The following TRPM7 variants were observed in gnomAD, a reference collection of about 807,000 sequenced individuals.
TRPM7 encodes transient receptor potential cation channel subfamily M member 7.
Under a neutral mutation model 229.7 loss-of-function variants are expected in TRPM7, and 134 were observed. That is an observed-to-expected ratio of 0.58 (90% confidence interval 0.51 to 0.67). TRPM7 has a LOEUF of 0.67. Among genes scored for constraint, TRPM7 ranks in the 30% least tolerant of loss-of-function variants. The probability of loss-of-function intolerance (pLI) is 0.00; values close to 1 mark genes in which losing one functional copy is unlikely to be tolerated. For missense variants in TRPM7, 1,901 were observed against 2,210.0 expected, an observed-to-expected ratio of 0.86 and a Z score of 2.80; for synonymous variants, 699 against 715.2, an observed-to-expected ratio of 0.98 and a Z score of 0.36.
At chr15:50,640,087 C>T (rs2061045894) in intron 5 of TRPM7, among the ~76,000 whole-genome samples, 1 of 152,076 alleles carries the variant, frequency 6.6e-6, no homozygotes, top group Non-Finnish European at 1.5e-5. Flanking sequence ...CATTTCTCCT[C>T]TAAGTAACTG....
chr15:50,589,359 G>C (rs1370672254), intron 27 of TRPM7, among the ~76,000 whole-genome samples: 1 of 148,348 alleles, frequency 6.7e-6, no homozygotes, highest in Non-Finnish European at 1.5e-5. Context: ...ATGTTAAATA[G>C]CTGATGTTTT....
intron 38 of TRPM7, among the ~76,000 whole-genome samples, chr15:50,563,050 G>C (rs1032796234): frequency 6.6e-6 from 1 of 152,180 alleles, no homozygotes; most frequent in African/African-American, 2.4e-5. Context: ...CATAGTGAAT[G>C]AGAGGAAAAC....
intron 17 of TRPM7, among the ~76,000 whole-genome samples, chr15:50,610,601 T>C (rs528556663): frequency 6.6e-6 from 1 of 152,236 alleles, no homozygotes; most frequent in Non-Finnish European, 1.5e-5. Flanking sequence ...TCTATCACCA[T>C]GACAAAACCA....
intron 38 of TRPM7, among the ~76,000 whole-genome samples, chr15:50,568,280 C>CTA (rs969203705): frequency 6.6e-6 from 1 of 151,420 alleles, no homozygotes; most frequent in African/African-American, 2.4e-5. Flanking sequence ...TACACTCATT[C>CTA]TATACTGTGC....
chr15:50,611,753 T>C (rs139058624), intron 16 of TRPM7, among the ~76,000 whole-genome samples: 3 of 152,326 alleles, frequency 2.0e-5, no homozygotes, highest in South Asian at 4.1e-4. Flanking sequence ...TAAGTAACCA[T>C]AGGATCCCTG....
chr15:50,573,499 C>T (rs2053986136), intron 36 of TRPM7, among the ~76,000 whole-genome samples: 1 of 152,126 alleles, frequency 6.6e-6, no homozygotes, highest in Non-Finnish European at 1.5e-5. Flanking sequence ...GAGGTGACAG[C>T]AGAGAGAGAC....
intron 38 of TRPM7, among the ~76,000 whole-genome samples, chr15:50,565,584 T>G (rs1179644052): frequency 6.6e-6 from 1 of 152,008 alleles, no homozygotes; most frequent in African/African-American, 2.4e-5. Context: ...GAACAACGCC[T>G]CAAAACACAT....
chr15:50,657,857 GA>G (rs773911209), intron 2 of TRPM7, 38 bp from the exon 3 acceptor site: 3 of 1,557,570 alleles, frequency 1.9e-6, no homozygotes, highest in Non-Finnish European at 2.6e-6. Context: ...TATTTCAGGT[GA>G]AAAACTTTCT....
Position 50,678,551 on chromosome 15 carries a change from CA to C in TRPM7, c.3+7979del, listed in dbSNP as rs2062156219. 2.0e-5 allele frequency among the ~76,000 whole-genome samples: 3 copies of C among 148,190 alleles called. No individual in the cohort carries two copies. In the South Asian group the frequency reaches 6.4e-4, roughly 32 times the overall value. The stretch of plus-strand genomic sequence containing the variant: ...ATATATATATATATATACACACACA[CA>C]CACATATACATAATTTTATTATGTC... On this transcript the variant is annotated intron_variant, in intron 1 of 38. Transcript: ENST00000646667.
intron 29 of TRPM7, 26 bp from the exon 30 acceptor site, chr15:50,580,934 C>T (rs373855218): frequency 1.9e-6 from 3 of 1,566,228 alleles, no homozygotes; most frequent in African/African-American, 2.8e-5. Flanking sequence ...AACACACACA[C>T]ACAAAAACCT....
At chr15:50,653,340 C>T (rs8023582) in intron 3 of TRPM7, among the ~76,000 whole-genome samples, 89,561 of 152,012 alleles carry the variant, frequency 0.59, 26,674 homozygotes, top group African/African-American at 0.66. Context: ...ATTATAAGCA[C>T]TGTCAGCAAA....
chr15:50,647,041 A>G (rs1168619506), intron 4 of TRPM7, among the ~76,000 whole-genome samples: 2 of 152,246 alleles, frequency 1.3e-5, no homozygotes, highest in African/African-American at 4.8e-5. Context: ...TGCCTAACAC[A>G]TCTCTGAGAA....
intron 12 of TRPM7, among the ~76,000 whole-genome samples, 164 bp from the exon 13 acceptor site, chr15:50,619,962 C>A (rs1023126197): frequency 1.3e-5 from 2 of 151,932 alleles, no homozygotes; most frequent in Non-Finnish European, 2.9e-5. Flanking sequence ...CATTTACTGC[C>A]AAAAAACAAA....
rs928846472 is a variant in TRPM7 at position 50,639,326 on chromosome 15, T to C, written c.660+98A>G. 5.5e-6 allele frequency: 6 copies of C among 1,085,254 alleles called. No homozygotes were observed. In the African/African-American group the frequency reaches 9.7e-5, roughly 17 times the overall value. The allele number at this position is 1,085,254 out of a possible 1,614,324, so 67.2% of individuals were successfully genotyped here. A position where few individuals can be genotyped will look rare whatever the true frequency, so the allele number is the denominator to read the frequency against. ...TACCTTTTAAACTTAATTTGAAAAG[T>C]ATAATATAATCATAAATATTTTAAA... On this transcript the variant is annotated intron_variant, in intron 6 of 38. Coordinates refer to ENST00000646667, the MANE Select transcript of TRPM7 (RefSeq NM_017672.6).
intron 21 of TRPM7, among the ~76,000 whole-genome samples, chr15:50,603,325 T>A (rs2414075): frequency 0.03 from 4,547 of 150,656 alleles, 248 homozygotes; most frequent in African/African-American, 0.1. Flanking sequence ...TTTTTTTTTT[T>A]AATTATTATA....
chr15:50,591,776 G>T lies in TRPM7; in HGVS notation c.4324+135C>A, dbSNP rs1278307166. ...GCCTCCCAAAGTACCAGAATCACAG[G>T]TGTCTGATTCTTTTTAAAAATTTTA... is the stretch of plus-strand genomic sequence containing the variant. On this transcript the variant is annotated intron_variant, in intron 26 of 38. Coordinates refer to ENST00000646667, the MANE Select transcript of TRPM7 (RefSeq NM_017672.6). 3 of 643,062 alleles carry T rather than the reference G, an allele frequency of 4.7e-6. No individual in the cohort carries two copies. The South Asian group carries it at 1.2e-4, about 26-fold the overall frequency. 39.8% of individuals were successfully genotyped at this position (643,062 alleles called of 1,614,324 possible). A position where few individuals can be genotyped will look rare whatever the true frequency, so the allele number is the denominator to read the frequency against.
intron 1 of TRPM7, among the ~76,000 whole-genome samples, chr15:50,670,810 GAA>G (rs59965204): frequency 4.2e-4 from 48 of 113,510 alleles, no homozygotes; most frequent in East Asian, 2.4e-3. Flanking sequence ...AAAAGAAAAA[GAA>G]AAAAAAAAAA....
intron 2 of TRPM7, among the ~76,000 whole-genome samples, chr15:50,658,277 T>C (rs1299758445): frequency 6.6e-6 from 1 of 152,022 alleles, no homozygotes; most frequent in African/African-American, 2.4e-5. Context: ...AGTGCTAGGA[T>C]TACAGGTGTG....
Position 50,612,743 on chromosome 15 carries a change from A to C in TRPM7, c.1857T>G (p.Pro619=). 6.2e-7 allele frequency: 1 copy of C among 1,614,180 alleles called. No homozygotes were observed. Among genetic ancestry groups the C allele is most frequent in the Non-Finnish European group, 8.5e-7 (1 of 1,180,026 alleles). The change falls in exon 16 of 39, where the codon CCT becomes CCG. Residue 619 remains proline (P), a synonymous_variant. Transcript: ENST00000646667. ...AAATTAAAAGTTCATTAAGTGGATA[A>C]GGAAAGCGCTTGGTTTCTGGATCAT... is the stretch of plus-strand genomic sequence containing the variant. ...DIDDPETKRF[P]YPLNELLIWA...
Sources: gnomAD v4.1 joint callset for allele counts (sites outside exome capture counted in the v4.1 genomes callset) on GRCh38, gnomAD v4.1.1 for gene constraint, MANE v1.5 for transcripts, NCBI Gene and HGNC (gene_info 2026-07-23, HGNC 2026-07-21) for gene names.